The following KAZN variants were observed in gnomAD, a reference collection of about 807,000 sequenced individuals.
KAZN encodes kazrin, periplakin interacting protein.
Under a neutral mutation model 87.4 loss-of-function variants are expected in KAZN, and 40 were observed. The ratio of observed to expected loss-of-function variants is 0.46; its 90% CI spans 0.36 to 0.60. KAZN has a LOEUF of 0.60. KAZN is among the 20% of genes least tolerant of loss of function. The pLI is 0.00. For synonymous variants in KAZN, 466 were observed against 458.3 expected, an observed-to-expected ratio of 1.02 and a Z score of -0.22; for missense variants, 898 against 1,073.9, an observed-to-expected ratio of 0.84 and a Z score of 2.29.
chr1:14,267,534 C>A (rs905154441), intron 2 of KAZN, among the ~76,000 whole-genome samples: 5 of 152,046 alleles, frequency 3.3e-5, no homozygotes, highest in African/African-American at 1.2e-4. Flanking sequence ...AAATACTATA[C>A]CGTTTTTTAT....
intron 2 of KAZN, among the ~76,000 whole-genome samples, chr1:15,020,219 C>T (rs557530348): frequency 2.0e-5 from 3 of 152,314 alleles, no homozygotes; most frequent in South Asian, 2.1e-4. Flanking sequence ...GTCACTGTTC[C>T]GAGGGCATTG....
intron 2 of KAZN, among the ~76,000 whole-genome samples, chr1:14,228,252 T>C (rs1262269758): frequency 2.0e-5 from 3 of 152,226 alleles, no homozygotes; most frequent in African/African-American, 7.2e-5. Flanking sequence ...CCAGGGGCTC[T>C]ATTATGTTAT....
At chr1:14,438,495 A>G (rs1666526336) in intron 2 of KAZN, among the ~76,000 whole-genome samples, 1 of 152,232 alleles carries the variant, frequency 6.6e-6, no homozygotes, top group Admixed American at 6.5e-5. Flanking sequence ...GCCATCAGGT[A>G]TCTGGGGGAA....
intron 1 of KAZN, among the ~76,000 whole-genome samples, chr1:14,079,733 C>T (rs946708273): frequency 2.6e-5 from 4 of 152,122 alleles, no homozygotes; most frequent in Admixed American, 2.0e-4. Flanking sequence ...GCAAGTGCTG[C>T]GGGTGAGTAT....
chr1:14,165,124 A>G (rs1029344236), intron 1 of KAZN, among the ~76,000 whole-genome samples: 4 of 152,114 alleles, frequency 2.6e-5, no homozygotes, highest in African/African-American at 7.2e-5. Flanking sequence ...ATTGTGTGTC[A>G]TGTGTACATA....
rs1397097866 is a variant in KAZN at position 14,960,736 on chromosome 1, G to T, written c.279G>T (p.Arg93=). The change falls in exon 2 of 15, where the codon CGG becomes CGT. Residue 93 remains arginine, a synonymous_variant. Transcript: ENST00000376030. ...SRLQEEVHLL[R]QMKEMLAKDL... ...TCCAGGAGGAAGTTCACCTTCTCCG[G>T]CAGATGAAGGAGATGTTGGCGAAGG... 1 of 1,591,208 alleles carries T rather than the reference G, an allele frequency of 6.3e-7. No individual in the cohort carries two copies. Among genetic ancestry groups the T allele is most frequent in the Admixed American group, 1.8e-5 (1 of 56,420 alleles).
At chr1:14,912,274 C>T (rs941318247) in intron 1 of KAZN, among the ~76,000 whole-genome samples, 27 of 152,132 alleles carry the variant, frequency 1.8e-4, no homozygotes, top group African/African-American at 6.3e-4. Context: ...TGGGGTCTCC[C>T]AGTAGTGGGG....
intron 2 of KAZN, among the ~76,000 whole-genome samples, chr1:14,369,281 C>G (rs537584209): frequency 6.6e-6 from 1 of 152,166 alleles, no homozygotes; most frequent in Non-Finnish European, 1.5e-5. Flanking sequence ...AAAAATGTAT[C>G]GTTCGCTCTT....
chr1:14,761,787 G>A (rs920414867), intron 1 of KAZN, among the ~76,000 whole-genome samples: 1 of 151,962 alleles, frequency 6.6e-6, no homozygotes, highest in Non-Finnish European at 1.5e-5. Context: ...CCATTTTCAA[G>A]GCTAAAAACA....
At chr1:13,954,805 G>A (rs56367264) in intron 1 of KAZN, among the ~76,000 whole-genome samples, 352 of 152,286 alleles carry the variant, frequency 2.3e-3, no homozygotes, top group Non-Finnish European at 3.7e-3. Flanking sequence ...TAGTTTTCTT[G>A]AGGGGGTTGG....
At chr1:14,908,953 A>C (rs1198596088) in intron 1 of KAZN, among the ~76,000 whole-genome samples, 4 of 152,058 alleles carry the variant, frequency 2.6e-5, no homozygotes, top group Non-Finnish European at 5.9e-5. Context: ...ACTGCATTCC[A>C]GCCTGGGTGA....
At chr1:14,729,618 G>A (rs1643582286) in intron 1 of KAZN, among the ~76,000 whole-genome samples, 1 of 152,182 alleles carries the variant, frequency 6.6e-6, no homozygotes, top group South Asian at 2.1e-4. Context: ...CACTGGGGAA[G>A]CGTTCACTTT....
At chr1:15,088,788 C>T (rs1041196626) in intron 8 of KAZN, among the ~76,000 whole-genome samples, 2 of 151,920 alleles carry the variant, frequency 1.3e-5, no homozygotes, top group Admixed American at 6.6e-5. Context: ...GAGAAGGAGG[C>T]GGTGGTGAAT....
At chr1:14,673,920 C>A (rs976555730) in intron 1 of KAZN, among the ~76,000 whole-genome samples, 1 of 152,182 alleles carries the variant, frequency 6.6e-6, no homozygotes, top group Non-Finnish European at 1.5e-5. Context: ...CACCACTGGA[C>A]TTTGGTTAGA....
chr1:15,030,013 C>T (rs1671528757), intron 2 of KAZN, among the ~76,000 whole-genome samples: 1 of 152,172 alleles, frequency 6.6e-6, no homozygotes, highest in Non-Finnish European at 1.5e-5. Context: ...CAGCATGAAA[C>T]CAGCCTGAAA....
At chr1:14,501,498 C>G (rs930759882) in intron 2 of KAZN, among the ~76,000 whole-genome samples, 23 of 152,042 alleles carry the variant, frequency 1.5e-4, no homozygotes, top group Admixed American at 1.5e-3. Flanking sequence ...TATACATTAG[C>G]GATGTACTAT....
chr1:14,041,021 C>A (rs1641817532), intron 1 of KAZN, among the ~76,000 whole-genome samples: 2 of 152,144 alleles, frequency 1.3e-5, no homozygotes, highest in Non-Finnish European at 2.9e-5. Context: ...TGAAAGGCTT[C>A]TGACGGAAAA....
intron 1 of KAZN, among the ~76,000 whole-genome samples, chr1:14,737,149 A>G (rs1260089219): frequency 1.3e-5 from 2 of 152,186 alleles, no homozygotes; most frequent in African/African-American, 4.8e-5. Flanking sequence ...ACATTTGAGC[A>G]GAGATGTGAA....
At chr1:14,412,710 T>C (rs528525116) in intron 2 of KAZN, among the ~76,000 whole-genome samples, 498 of 151,946 alleles carry the variant, frequency 3.3e-3, no homozygotes, top group African/African-American at 0.011. Flanking sequence ...CCTAAACCAG[T>C]CTATAAAGTT....
Sources: allele counts gnomAD v4.1 joint callset (sites outside exome capture counted in the v4.1 genomes callset), GRCh38; gene constraint gnomAD v4.1.1; transcripts MANE v1.5; gene names NCBI Gene and HGNC (gene_info 2026-07-23, HGNC 2026-07-21).